The following PLAAT2 variants were observed in gnomAD, a reference collection of about 807,000 sequenced individuals.
PLAAT2 encodes phospholipase A and acyltransferase 2.
In PLAAT2, 12 loss-of-function variants were observed where a neutral mutation model predicts 12.8. The observed-to-expected ratio is 0.94, with a 90% CI of 0.60 to 1.52. The LOEUF (loss-of-function observed/expected upper bound fraction) is 1.52, where lower values mean the gene tolerates loss of function less well. Among genes scored for constraint, PLAAT2 ranks in the 40% most tolerant of loss-of-function variants. The pLI is 0.00. For synonymous variants in PLAAT2, 79 were observed against 86.8 expected (o/e 0.91, Z 0.50); for missense variants, 166 against 208.1 (o/e 0.80, Z 1.24).
rs73490156 is a variant in PLAAT2, at chr11:63,557,992, C to G, written c.387+400G>C. On this transcript the variant is annotated intron_variant, in intron 3 of 3. Coordinates refer to ENST00000255695, the MANE Select transcript of PLAAT2 (RefSeq NM_017878.2). The stretch of plus-strand genomic sequence containing the variant: ...GGAGAGAACACATGTAGGTTTAACT[C>G]CCCCGCTCTTCACCATGGCTGACAT... Among the ~76,000 whole-genome samples, 1,448 of 152,276 alleles carry G rather than the reference C, an allele frequency of 9.5e-3. 27 individuals are homozygous for G. Among genetic ancestry groups the G allele is most frequent in the African/African-American group, 0.033 (1,372 of 41,536 alleles).
At chr11:63,553,918 G>A (rs1022304055) in intron 3 of PLAAT2, among the ~76,000 whole-genome samples, 3 of 152,208 alleles carry the variant, frequency 2.0e-5, no homozygotes, top group Admixed American at 6.5e-5. Flanking sequence ...GCTGGCCCAT[G>A]AGGAGCATTG....
intron 3 of PLAAT2, among the ~76,000 whole-genome samples, chr11:63,556,185 T>C (rs2017464863): frequency 6.6e-6 from 1 of 151,954 alleles, no homozygotes; most frequent in South Asian, 2.1e-4. Context: ...GAGGAGAGTC[T>C]TTCCAGACAG....
chr11:63,552,941 GT>G lies in PLAAT2; in HGVS notation c.*22del. ...TAATATTCCTCCGTAAGAATTGGTG[GT>G]TGTTGGGACAATTTCTTGGATTTAT... On this transcript the variant is annotated 3_prime_UTR_variant, in exon 4 of 4. Coordinates refer to ENST00000255695, the MANE Select transcript of PLAAT2 (RefSeq NM_017878.2). 6.6e-7 allele frequency: 1 copy of G among 1,510,502 alleles called. No homozygotes were observed. The highest frequency in any genetic ancestry group is 9.2e-7 in the Non-Finnish European group (1 of 1,086,100). The allele number at this position is 1,510,502 out of a possible 1,614,324, so 93.6% of individuals were successfully genotyped here.
chr11:63,562,385 A>G (rs2017526509), intron 1 of PLAAT2, among the ~76,000 whole-genome samples: 1 of 152,142 alleles, frequency 6.6e-6, no homozygotes, highest in Non-Finnish European at 1.5e-5. Flanking sequence ...AGAAGCTAGG[A>G]CTATAAGCAC....
chr11:63,557,026 A>G lies in PLAAT2; in HGVS notation c.387+1366T>C, dbSNP rs574780819. Among the ~76,000 whole-genome samples, 36 of 152,292 alleles carry G rather than the reference A, an allele frequency of 2.4e-4. No individual in the cohort carries two copies. The South Asian group carries it at 7.3e-3, about 31-fold the overall frequency. Reference sequence around the variant, plus strand: ...TTAGGCTGATTGGTTTGACAATAACACCTGGCTCGGCTATTTAAACTACAC... The same window carrying G: ...TTAGGCTGATTGGTTTGACAATAACGCCTGGCTCGGCTATTTAAACTACAC... On this transcript the variant is annotated intron_variant, in intron 3 of 3. Transcript: ENST00000255695.
intron 3 of PLAAT2, among the ~76,000 whole-genome samples, chr11:63,554,621 A>G (rs1238585784): frequency 6.7e-6 from 1 of 149,046 alleles, no homozygotes; most frequent in East Asian, 2.0e-4. Context: ...GAGTGAGACT[A>G]TGTCTCAAAA....
At position 63,553,025 on chromosome 11, in the gene PLAAT2, A is replaced by T; in HGVS notation, c.428T>A (p.Leu143Gln). The change falls in exon 4 of 4, where the codon CTG (leucine) becomes CAG (glutamine). Residue 143 changes from leucine to glutamine, a missense_variant. Transcript: ENST00000255695. ...AVTTVGVAAG[L>Q]LAAASLVGIL... The stretch of plus-strand genomic sequence containing the variant: ...CCCCACAAGGCTTGCGGCAGCCAGC[A>T]GGCCTGCTGCCACACCTACTGTCGT... 6.2e-7 allele frequency: 1 copy of T among 1,613,850 alleles called. No individual in the cohort carries two copies. Among genetic ancestry groups the T allele is most frequent in the Non-Finnish European group, 8.5e-7 (1 of 1,179,840 alleles).
chr11:63,563,330 C>A lies in PLAAT2; in HGVS notation c.-6G>T. Reference sequence around the variant, plus strand: ...TGGGGACTTACCAAAGCCATCCTTCCTTCAAGATGATGTCTTGTGTGTTGC... The same window carrying A: ...TGGGGACTTACCAAAGCCATCCTTCATTCAAGATGATGTCTTGTGTGTTGC... On this transcript the variant is annotated 5_prime_UTR_variant, in exon 1 of 4. In the 5' UTR this introduces an upstream ATG that the reference lacks. Coordinates refer to ENST00000255695, the MANE Select transcript of PLAAT2 (RefSeq NM_017878.2). The A allele has an allele frequency of 6.2e-7, 1 of 1,614,136 alleles. No homozygotes were observed. The highest frequency in any genetic ancestry group is 8.5e-7 in the Non-Finnish European group (1 of 1,180,018).
At chr11:63,558,177 C>T (rs1465511253) in intron 3 of PLAAT2, among the ~76,000 whole-genome samples, 1 of 152,182 alleles carries the variant, frequency 6.6e-6, no homozygotes, top group Non-Finnish European at 1.5e-5. Flanking sequence ...GGCCACCCCC[C>T]AACCCACTGC....
In PLAAT2 at chr11:63,560,160, CA is replaced by C; in HGVS notation, c.42del (p.Ile14MetfsTer41). On this transcript the variant is annotated frameshift_variant, in exon 2 of 4. Coordinates refer to ENST00000255695, the MANE Select transcript of PLAAT2 (RefSeq NM_017878.2). LOFTEE classifies it high-confidence loss of function. ...TGTGCATAGCCAAAGCGAGAAATCT[CA>C]ATCAGGTCTCCAAGTCTCGGTCTTG... ...ARPRPRLGDLIEISRFGYAHW... is the reference protein window; with the variant it reads ...ARPRPRLGDLXEISRFGYAHW... The C allele has an allele frequency of 3.7e-6, 6 of 1,613,818 alleles. No individual in the cohort carries two copies. Among genetic ancestry groups the C allele is most frequent in the Non-Finnish European group, 5.1e-6 (6 of 1,179,844 alleles).
upstream of PLAAT2, among the ~76,000 whole-genome samples, chr11:63,564,579 T>C (rs1367853848): frequency 6.6e-6 from 1 of 152,206 alleles, no homozygotes; most frequent in Non-Finnish European, 1.5e-5. Context: ...GCTCACGTGG[T>C]CATGTGGTCT....
At chr11:63,553,486 AC>A (rs2017436997) in intron 3 of PLAAT2, among the ~76,000 whole-genome samples, 1 of 149,656 alleles carries the variant, frequency 6.7e-6, no homozygotes, top group Non-Finnish European at 1.5e-5. Flanking sequence ...ACAAAAAAAT[AC>A]AAAAAAAAAA....
At chr11:63,564,657 C>T (rs1288178212), upstream of PLAAT2, among the ~76,000 whole-genome samples, 1 of 152,204 alleles carries the variant, frequency 6.6e-6, no homozygotes, top group Non-Finnish European at 1.5e-5. Context: ...GTGGGACAAT[C>T]TTCAAAGTAT....
chr11:63,560,076 C>T lies in PLAAT2; in HGVS notation c.118+9G>A. On this transcript the variant is annotated intron_variant, in intron 2 of 3. Transcript: ENST00000255695. ...AACCCTTGTGCTTAAAAAGAGAACC[C>T]ATCCTTACTTGCCGGAGCCAGATGG... 1 of 1,575,896 alleles carries T rather than the reference C, an allele frequency of 6.3e-7. No homozygotes were observed.
At chr11:63,558,750 G>A (rs1432649611) in intron 2 of PLAAT2, 90 bp from the exon 3 acceptor site, 6 of 1,474,776 alleles carry the variant, frequency 4.1e-6, no homozygotes, top group Non-Finnish European at 5.6e-6. Flanking sequence ...CACCATCAAG[G>A]AGGAGCAGCT....
intron 3 of PLAAT2, 88 bp from the exon 4 acceptor site, chr11:63,553,153 A>T (rs1450042909): frequency 1.3e-6 from 1 of 783,962 alleles, no homozygotes; most frequent in Non-Finnish European, 2.1e-6. Context: ...GGAAAGACTC[A>T]TCTGGCCCAG....
At chr11:63,564,034 G>A (rs2017543113), upstream of PLAAT2, among the ~76,000 whole-genome samples, 1 of 152,148 alleles carries the variant, frequency 6.6e-6, no homozygotes, top group Admixed American at 6.5e-5. Context: ...TGAGATTCAT[G>A]CCTCCAAATT....
chr11:63,561,570 G>A (rs1008000539), intron 1 of PLAAT2, among the ~76,000 whole-genome samples: 6 of 148,288 alleles, frequency 4.0e-5, no homozygotes, highest in Non-Finnish European at 7.4e-5. Flanking sequence ...GCTTGAACCC[G>A]GGAGGCAGGG....
intron 3 of PLAAT2, among the ~76,000 whole-genome samples, chr11:63,556,363 G>A (rs76565139): frequency 0.011 from 1,726 of 152,288 alleles, 36 homozygotes; most frequent in African/African-American, 0.04. Context: ...CCCCTCAGAA[G>A]CATAGCAGAG....
Sources: gnomAD v4.1 joint callset for allele counts (sites outside exome capture counted in the v4.1 genomes callset) on GRCh38, gnomAD v4.1.1 for gene constraint, MANE v1.5 for transcripts, NCBI Gene and HGNC (gene_info 2026-07-23, HGNC 2026-07-21) for gene names.